Variants in GRIA3 observed in about 807,000 individuals in gnomAD.
GRIA3 encodes the protein glutamate receptor 3.
A neutral mutation model predicts 63.0 loss-of-function variants in GRIA3; 3 were observed. The observed-to-expected ratio is 0.05, with a 90% CI of 0.02 to 0.12. The LOEUF (loss-of-function observed/expected upper bound fraction) is 0.12, where lower values mean the gene tolerates loss of function less well. GRIA3 is among the 10% of genes least tolerant of loss of function. GRIA3 has a pLI of 1.00. For synonymous variants in GRIA3, 274 were observed against 257.9 expected (o/e 1.06, Z -0.60); for missense variants, 347 against 700.9 (o/e 0.50, Z 5.70).
At chrX:123,300,622 T>TTTTG (rs57768786) in intron 3 of GRIA3, among the ~76,000 whole-genome samples, 21,970 of 106,544 alleles carry the variant, frequency 0.21, 2,204 homozygotes, top group African/African-American at 0.33. Flanking sequence ...TTTAATGGTT[T>TTTTG]TTTGTTTGTT....
intron 2 of GRIA3, among the ~76,000 whole-genome samples, chrX:123,202,327 T>C (rs1314609716): frequency 8.9e-6 from 1 of 112,436 alleles, no homozygotes. Flanking sequence ...GCACAGAAGG[T>C]TATTTTCAAA....
intron 12 of GRIA3, among the ~76,000 whole-genome samples, chrX:123,434,434 A>G (rs1358606107): frequency 1.8e-5 from 2 of 112,040 alleles, no homozygotes; most frequent in South Asian, 3.7e-4. Context: ...AGGGGAACAC[A>G]TAACAGCAAC....
intron 12 of GRIA3, among the ~76,000 whole-genome samples, chrX:123,449,302 G>A (rs1467864712): frequency 8.9e-6 from 1 of 112,376 alleles, no homozygotes; most frequent in Non-Finnish European, 1.9e-5. Flanking sequence ...ATCAGATTAA[G>A]TGGCTATCTG....
chrX:123,326,212 A>G lies in GRIA3; in HGVS notation c.695A>G (p.Gln232Arg). 8.3e-7 allele frequency: 1 copy of G among 1,201,515 alleles called. No homozygotes were observed. Among genetic ancestry groups the G allele is most frequent in the Non-Finnish European group, 1.1e-6 (1 of 886,270 alleles). The change falls in exon 4 of 16, where the codon CAG becomes CGG. Residue 232 changes from glutamine to arginine, a missense_variant and splice_region_variant. Physicochemically the swap from Gln to Arg is conservative, Grantham distance 43 (BLOSUM62 1). Around this residue, in one of 8 missense-constraint regions of GRIA3, gnomAD observed 113 missense variants for 130.6 expected, o/e 0.87. Coordinates refer to ENST00000620443, the MANE Select transcript of GRIA3 (RefSeq NM_007325.5). ...EVERINTILE[Q>R]VVILGKHSRG... Reference sequence around the variant, plus strand: ...GAAAGGATTAACACAATTTTGGAACAGGTACGTTTGAGATTTATTTCACCG... The same window carrying G: ...GAAAGGATTAACACAATTTTGGAACGGGTACGTTTGAGATTTATTTCACCG...
chrX:123,387,933 G>T (rs2045362672), intron 5 of GRIA3, among the ~76,000 whole-genome samples: 1 of 111,904 alleles, frequency 8.9e-6, no homozygotes, highest in African/African-American at 3.3e-5. Context: ...TCAGAGTAAT[G>T]CTGGCATCAT....
intron 10 of GRIA3, among the ~76,000 whole-genome samples, chrX:123,405,549 C>T (rs1386056818): frequency 8.9e-6 from 1 of 111,745 alleles, no homozygotes; most frequent in Admixed American, 9.5e-5. Flanking sequence ...GCCTACCTCT[C>T]TAGCTTCATC....
At chrX:123,399,309 C>T (rs568068588) in intron 7 of GRIA3, among the ~76,000 whole-genome samples, 13 of 111,989 alleles carry the variant, frequency 1.2e-4, no homozygotes, top group Middle Eastern at 4.6e-3. Context: ...AAAAAGAACA[C>T]TCATGCTATT....
chrX:123,413,426 T>C (rs375111103), intron 10 of GRIA3, among the ~76,000 whole-genome samples: 3 of 105,689 alleles, frequency 2.8e-5, no homozygotes, highest in East Asian at 5.9e-4. Flanking sequence ...GGTATTTGCA[T>C]GCTCTGAGCA....
intron 3 of GRIA3, among the ~76,000 whole-genome samples, chrX:123,283,920 A>T (rs1010049128): frequency 8.9e-6 from 1 of 112,693 alleles, no homozygotes; most frequent in Admixed American, 9.3e-5. Context: ...GGCCTCCTCA[A>T]GTGGGTCCCT....
intron 4 of GRIA3, among the ~76,000 whole-genome samples, chrX:123,344,338 G>C (rs1453857737): frequency 8.9e-6 from 1 of 112,109 alleles, no homozygotes; most frequent in Non-Finnish European, 1.9e-5. Flanking sequence ...GGCACATGCT[G>C]TTCTCCTCTT....
At chrX:123,230,072 C>T (rs1333403527) in intron 2 of GRIA3, among the ~76,000 whole-genome samples, 1 of 111,586 alleles carries the variant, frequency 9.0e-6, no homozygotes, top group African/African-American at 3.3e-5. Flanking sequence ...TTCCCAGTTC[C>T]TCTACTGAAG....
chrX:123,482,783 T>C lies in GRIA3; in HGVS notation c.2440-16T>C, dbSNP rs753927438. ...TGTTTTCCCCAAGATCTAATCACGT[T>C]GTTCATTTCTCTTAGGACAAGACCA... is the stretch of plus-strand genomic sequence containing the variant. On this transcript the variant is annotated splice_polypyrimidine_tract_variant and intron_variant, in intron 14 of 15. Transcript: ENST00000620443. The C allele has an allele frequency of 7.4e-6, 9 of 1,209,776 alleles. No individual in the cohort carries two copies. The East Asian group carries it at 2.4e-4, about 32-fold the overall frequency.
chrX:123,189,266 T>C (rs999547593), intron 2 of GRIA3, among the ~76,000 whole-genome samples: 6 of 112,497 alleles, frequency 5.3e-5, no homozygotes, highest in Non-Finnish European at 9.4e-5. Context: ...TCAGGATATA[T>C]ACATTCATAG....
At position 123,184,469 on chromosome X, in the gene GRIA3, T is replaced by C; in HGVS notation, c.-67T>C. ...AAGAGCCAGCGAATTCTTTTTCTTT[T>C]TCTATTATTATTTTGACGACTCCTG... On this transcript the variant is annotated 5_prime_UTR_variant, in exon 1 of 16. Transcript: ENST00000620443. 1 of 841,920 alleles carries C rather than the reference T, an allele frequency of 1.2e-6. No homozygotes were observed. The highest frequency in any genetic ancestry group is 2.0e-5 in the South Asian group (1 of 49,630). The allele number at this position is 841,920 out of a possible 1,213,427, so 69.4% of individuals were successfully genotyped here.
At chrX:123,298,118 T>C (rs764775866) in intron 3 of GRIA3, among the ~76,000 whole-genome samples, 60 of 111,791 alleles carry the variant, frequency 5.4e-4, no homozygotes, top group African/African-American at 1.9e-3. Context: ...ACATTTTCTT[T>C]ATCCAATCTC....
chrX:123,293,205 T>C (rs1255071078), intron 3 of GRIA3, among the ~76,000 whole-genome samples: 1 of 110,635 alleles, frequency 9.0e-6, no homozygotes, highest in African/African-American at 3.3e-5. Context: ...GGCAGGGCTC[T>C]GGAATGAGTC....
At position 123,185,836 on chromosome X, in the gene GRIA3, A is replaced by G; in HGVS notation, c.114A>G (p.Gly38=). The G allele has an allele frequency of 8.3e-7, 1 of 1,210,072 alleles. No homozygotes were observed. The highest frequency in any genetic ancestry group is 1.1e-6 in the Non-Finnish European group (1 of 894,453). Residue 38 remains glycine (G), a synonymous_variant, in exon 2 of 16, where the codon GGA becomes GGG. Transcript: ENST00000620443. ...GGFPNTISIG[G]LFMRNTVQEH... is the part of the protein sequence containing the mutation. Reference sequence around the variant, plus strand: ...CTCCGTTCCCTTTGCTTATAGGTGGACTTTTCATGAGAAACACAGTGCAGG... The same window carrying G: ...CTCCGTTCCCTTTGCTTATAGGTGGGCTTTTCATGAGAAACACAGTGCAGG...
At chrX:123,348,939 A>G (rs1469116360) in intron 4 of GRIA3, among the ~76,000 whole-genome samples, 1 of 112,104 alleles carries the variant, frequency 8.9e-6, no homozygotes. Context: ...TCTCCCCTAA[A>G]GATATGATGG....
chrX:123,389,922 G>A (rs907215355), intron 5 of GRIA3, among the ~76,000 whole-genome samples: 2 of 111,115 alleles, frequency 1.8e-5, no homozygotes, highest in African/African-American at 6.6e-5. Flanking sequence ...TAGCCAGGAT[G>A]GTCTCGATCT....
Sources: gnomAD v4.1 joint callset for allele counts (sites outside exome capture counted in the v4.1 genomes callset) on GRCh38, gnomAD v4.1.1 for gene constraint, gnomAD v4.1.1 regional missense constraint, MANE v1.5 for transcripts, NCBI Gene and HGNC (gene_info 2026-07-23, HGNC 2026-07-21) for gene names.